VWA8: variants seen among roughly 807,000 people sequenced by gnomAD.
The protein encoded by VWA8 is von Willebrand factor A domain containing 8.
A neutral mutation model predicts 241.5 loss-of-function variants in VWA8; 221 were observed. That is an observed-to-expected ratio of 0.91 (90% CI 0.82 to 1.02). The LOEUF (loss-of-function observed/expected upper bound fraction) is 1.02, where lower values mean the gene tolerates loss of function less well. Among genes scored for constraint, VWA8 ranks in the 50% least tolerant of loss-of-function variants. The pLI, the probability that VWA8 is intolerant of heterozygous loss-of-function variation, is 0.00. For missense variants in VWA8, 2,322 were observed against 2,328.7 expected (o/e 1.00, Z 0.06); for synonymous variants, 852 against 827.1 (o/e 1.03, Z -0.52).
chr13:41,640,108 C>A (rs749142746), intron 37 of VWA8, among the ~76,000 whole-genome samples: 3 of 152,146 alleles, frequency 2.0e-5, no homozygotes, highest in Admixed American at 6.5e-5. Context: ...CTCCCTCCCC[C>A]GCTCCTATTC....
intron 17 of VWA8, among the ~76,000 whole-genome samples, chr13:41,809,647 T>C (rs939163217): frequency 6.6e-6 from 1 of 152,122 alleles, no homozygotes; most frequent in Non-Finnish European, 1.5e-5. Context: ...ACTATGAAAC[T>C]ACTAAAAGAA....
At chr13:41,727,979 G>C (rs1345391188) in intron 23 of VWA8, among the ~76,000 whole-genome samples, 1 of 152,050 alleles carries the variant, frequency 6.6e-6, no homozygotes, top group East Asian at 1.9e-4. Flanking sequence ...AGATAGAATT[G>C]CAAGTCCAGA....
chr13:41,568,983 T>TTAAA (rs1298626377), intron 44 of VWA8, among the ~76,000 whole-genome samples: 1 of 151,092 alleles, frequency 6.6e-6, no homozygotes, highest in African/African-American at 2.5e-5. Context: ...CGATACTTTT[T>TTAAA]TAAATACTAA....
intron 24 of VWA8, among the ~76,000 whole-genome samples, chr13:41,725,675 T>C (rs945641156): frequency 7.2e-5 from 11 of 151,958 alleles, no homozygotes; most frequent in African/African-American, 2.7e-4. Flanking sequence ...GATTTGGAGG[T>C]GGATGGAAGA....
intron 16 of VWA8, 105 bp from the exon 17 acceptor site, chr13:41,811,445 C>A: frequency 1.3e-6 from 1 of 750,434 alleles, no homozygotes; most frequent in Non-Finnish European, 2.1e-6. Context: ...GGGGTAAGGC[C>A]AAACTTAAAG....
At chr13:41,728,794 T>G (rs1168695673) in intron 23 of VWA8, among the ~76,000 whole-genome samples, 2 of 152,090 alleles carry the variant, frequency 1.3e-5, no homozygotes, top group South Asian at 2.1e-4. Context: ...ACTTGTACCT[T>G]TTTAATGGGG....
intron 30 of VWA8, 46 bp from the exon 31 acceptor site, chr13:41,691,984 C>T: frequency 7.8e-7 from 1 of 1,286,062 alleles, no homozygotes; most frequent in Non-Finnish European, 1.1e-6. Flanking sequence ...GTGTCAGATA[C>T]AGTCATGTCC....
At chr13:41,776,804 C>T (rs576925790) in intron 20 of VWA8, among the ~76,000 whole-genome samples, 48 of 152,220 alleles carry the variant, frequency 3.2e-4, no homozygotes, top group African/African-American at 1.1e-3. Context: ...GCTGTTGAGC[C>T]TCTAGTTATC....
intron 9 of VWA8, among the ~76,000 whole-genome samples, chr13:41,881,867 A>C (rs1306483941): frequency 2.6e-5 from 3 of 115,520 alleles, no homozygotes; most frequent in South Asian, 3.0e-4. Context: ...TGACCCCCCC[A>C]CCTCCCTCCC....
intron 24 of VWA8, among the ~76,000 whole-genome samples, chr13:41,726,266 T>C (rs2045432568): frequency 6.6e-6 from 1 of 152,218 alleles, no homozygotes; most frequent in Non-Finnish European, 1.5e-5. Flanking sequence ...TTCTTTCTAC[T>C]ATAAACAATG....
intron 10 of VWA8, 84 bp from the exon 11 acceptor site, chr13:41,866,120 G>C: frequency 6.5e-7 from 1 of 1,543,118 alleles, no homozygotes; most frequent in Non-Finnish European, 8.8e-7. Context: ...GGCCAAGGCA[G>C]GCAGATCACT....
chr13:41,622,449 T>G (rs1346183343), intron 37 of VWA8, among the ~76,000 whole-genome samples: 1 of 152,160 alleles, frequency 6.6e-6, no homozygotes, highest in African/African-American at 2.4e-5. Context: ...AAGTAAGTAA[T>G]TCCAATTACT....
chr13:41,858,330 G>A (rs891631043), intron 12 of VWA8, among the ~76,000 whole-genome samples: 1 of 152,192 alleles, frequency 6.6e-6, no homozygotes, highest in Non-Finnish European at 1.5e-5. Flanking sequence ...ACTGGGCCAG[G>A]AGCAGTGGCT....
At chr13:41,741,325 C>T (rs2045567860) in intron 21 of VWA8, among the ~76,000 whole-genome samples, 2 of 152,216 alleles carry the variant, frequency 1.3e-5, no homozygotes, top group Non-Finnish European at 2.9e-5. Flanking sequence ...AAATTCCTTA[C>T]ACACCGGGTT....
Position 41,605,276 on chromosome 13 carries a change from C to T in VWA8, c.4878G>A (p.Arg1626=). The change falls in exon 40 of 45, where the codon AGG becomes AGA. Residue 1626 remains arginine (R), a splice_region_variant and synonymous_variant. Coordinates refer to ENST00000379310, the MANE Select transcript of VWA8 (RefSeq NM_015058.2). The part of the protein sequence containing the change: ...REMGQRAFQQ[R]LKEIQMSEYD... ...ATTCACTCATTTGGATCTCCTTTAG[C>T]CTGAAATCAGAAGAGTATAAAAAGT... 1 of 1,612,504 alleles carries T rather than the reference C, an allele frequency of 6.2e-7. No individual in the cohort carries two copies. Among genetic ancestry groups the T allele is most frequent in the Non-Finnish European group, 8.5e-7 (1 of 1,179,070 alleles).
intron 2 of VWA8, among the ~76,000 whole-genome samples, chr13:41,937,429 G>A (rs909199859): frequency 4.6e-5 from 7 of 152,152 alleles, no homozygotes; most frequent in Non-Finnish European, 8.8e-5. Context: ...CATAAGGAGC[G>A]CACAACCTAG....
At position 41,567,121 on chromosome 13, in the gene VWA8, G is replaced by A. The variant is rs1411262573; in HGVS notation, c.*1076C>T. On this transcript the variant is annotated 3_prime_UTR_variant, in exon 45 of 45. Transcript: ENST00000379310. ...TATGGTTAAAGAGAGAATGACTTTT[G>A]CTGAAGCATCTTATTTTAAACAAAG... 6.6e-6 allele frequency: 1 copy of A among 152,082 alleles called. No individual in the cohort carries two copies. Among genetic ancestry groups the A allele is most frequent in the Non-Finnish European group, 1.5e-5 (1 of 68,006 alleles). The allele number at this position is 152,082 out of a possible 1,614,324, so 9.4% of individuals were successfully genotyped here. A position where few individuals can be genotyped will look rare whatever the true frequency, so the allele number is the denominator to read the frequency against.
chr13:41,800,793 C>CA (rs34852903), intron 17 of VWA8, among the ~76,000 whole-genome samples: 22,737 of 80,738 alleles, frequency 0.28, 2,536 homozygotes, highest in East Asian at 0.45. Context: ...ACTCCATCTC[C>CA]AAAAAAAAAA....
chr13:41,923,811 A>G (rs181989084), intron 2 of VWA8, among the ~76,000 whole-genome samples: 1 of 152,172 alleles, frequency 6.6e-6, no homozygotes, highest in South Asian at 2.1e-4. Context: ...TCATAACTAA[A>G]GAAGCTGTAG....
Sources: gnomAD v4.1 joint callset for allele counts (sites outside exome capture counted in the v4.1 genomes callset) on GRCh38, gnomAD v4.1.1 for gene constraint, MANE v1.5 for transcripts, NCBI Gene and HGNC (gene_info 2026-07-23, HGNC 2026-07-21) for gene names.